Variants in ASTN2 observed in about 807,000 individuals in gnomAD.
ASTN2 encodes the protein astrotactin-2.
Under a neutral mutation model 139.8 loss-of-function variants are expected in ASTN2, and 54 were observed. The observed-to-expected ratio is 0.39, with a 90% CI of 0.31 to 0.48. The LOEUF (loss-of-function observed/expected upper bound fraction) is 0.48, where lower values mean the gene tolerates loss of function less well. Among genes scored for constraint, ASTN2 ranks in the 20% least tolerant of loss-of-function variants. The probability of loss-of-function intolerance (pLI) is 0.95; values close to 1 mark genes in which losing one functional copy is unlikely to be tolerated. For synonymous variants in ASTN2, 756 were observed against 719.5 expected, an observed-to-expected ratio of 1.05 and a Z score of -0.81; for missense variants, 1,565 against 1,725.1, an observed-to-expected ratio of 0.91 and a Z score of 1.64.
chr9:116,488,871 A>G (rs892001393), intron 19 of ASTN2, among the ~76,000 whole-genome samples: 5 of 152,350 alleles, frequency 3.3e-5, no homozygotes, highest in African/African-American at 1.2e-4. Flanking sequence ...AAAAATATCA[A>G]TAAAAATTAC....
intron 7 of ASTN2, among the ~76,000 whole-genome samples, chr9:117,005,130 G>C (rs1351871200): frequency 4.4e-5 from 5 of 114,872 alleles, no homozygotes; most frequent in Non-Finnish European, 3.3e-5. Context: ...TCTGTCACCA[G>C]GCTGGAGTGC....
At chr9:117,224,328 T>G (rs1039790702) in intron 2 of ASTN2, among the ~76,000 whole-genome samples, 1 of 152,240 alleles carries the variant, frequency 6.6e-6, no homozygotes, top group Non-Finnish European at 1.5e-5. Context: ...GATTGCAGTG[T>G]ATAACACAGT....
intron 10 of ASTN2, among the ~76,000 whole-genome samples, chr9:116,864,535 G>A (rs918235195): frequency 6.6e-6 from 1 of 152,194 alleles, no homozygotes; most frequent in Non-Finnish European, 1.5e-5. Flanking sequence ...GGAGGATACA[G>A]ATGGGAGCCT....
At chr9:116,435,414 G>C (rs1267280233) in intron 22 of ASTN2, among the ~76,000 whole-genome samples, 3 of 152,162 alleles carry the variant, frequency 2.0e-5, no homozygotes, top group Non-Finnish European at 4.4e-5. Flanking sequence ...TGGCTTCTGG[G>C]AGAAAGAATA....
chr9:117,114,483 T>A (rs1829329363), intron 4 of ASTN2, among the ~76,000 whole-genome samples: 1 of 152,192 alleles, frequency 6.6e-6, no homozygotes, highest in Non-Finnish European at 1.5e-5. Context: ...CTGCATTAGC[T>A]CTGAATTGTT....
At chr9:116,483,145 G>A (rs1328898854) in intron 20 of ASTN2, among the ~76,000 whole-genome samples, 1 of 152,196 alleles carries the variant, frequency 6.6e-6, no homozygotes, top group Non-Finnish European at 1.5e-5. Context: ...GTCACCCCTC[G>A]ATTCCAACAA....
At chr9:117,275,922 G>C (rs1197786748) in intron 2 of ASTN2, among the ~76,000 whole-genome samples, 1 of 152,044 alleles carries the variant, frequency 6.6e-6, no homozygotes, top group Non-Finnish European at 1.5e-5. Context: ...CTCCTTAAAG[G>C]CTGTATCTCC....
intron 10 of ASTN2, among the ~76,000 whole-genome samples, chr9:116,886,357 A>G (rs1468441363): frequency 1.3e-5 from 2 of 152,178 alleles, no homozygotes; most frequent in Admixed American, 1.3e-4. Flanking sequence ...TCCTCCTGCA[A>G]TTGTTTCTTT....
At chr9:117,009,943 G>C (rs78617725) in intron 6 of ASTN2, among the ~76,000 whole-genome samples, 1 of 152,256 alleles carries the variant, frequency 6.6e-6, no homozygotes, top group East Asian at 1.9e-4. Flanking sequence ...AGTTTCCCTG[G>C]AAATAGTAAG....
chr9:116,903,649 C>A (rs764851254), intron 10 of ASTN2, among the ~76,000 whole-genome samples: 1 of 152,192 alleles, frequency 6.6e-6, no homozygotes. Context: ...GAGACATACT[C>A]TCTCTCTGGG....
intron 1 of ASTN2, among the ~76,000 whole-genome samples, chr9:117,296,300 A>AAAAG (rs1192675911): frequency 2.3e-3 from 282 of 120,860 alleles, no homozygotes; most frequent in African/African-American, 4.5e-3. Flanking sequence ...AAAAAAAAAA[A>AAAAG]AAAGAAAGAA....
chr9:117,388,121 C>T (rs1400839318), intron 1 of ASTN2, among the ~76,000 whole-genome samples: 2 of 152,154 alleles, frequency 1.3e-5, no homozygotes, highest in Non-Finnish European at 2.9e-5. Flanking sequence ...TCCAAGATTC[C>T]ATTTGAAGAA....
At chr9:117,101,587 GC>G (rs2132765177) in intron 4 of ASTN2, among the ~76,000 whole-genome samples, 1 of 152,208 alleles carries the variant, frequency 6.6e-6, no homozygotes, top group South Asian at 2.1e-4. Context: ...GATAAGTACT[GC>G]CCCAGGTACC....
chr9:117,116,403 C>A (rs933466481), intron 4 of ASTN2, among the ~76,000 whole-genome samples: 1 of 152,070 alleles, frequency 6.6e-6, no homozygotes, highest in African/African-American at 2.4e-5. Context: ...TCAGAACATA[C>A]TTTTGAAGCA....
At chr9:116,745,402 C>T (rs957365135) in intron 13 of ASTN2, among the ~76,000 whole-genome samples, 12 of 152,306 alleles carry the variant, frequency 7.9e-5, no homozygotes, top group Non-Finnish European at 1.5e-4. Flanking sequence ...GTAGACTTCC[C>T]AGACAGACCT....
chr9:116,501,637 G>A (rs28678845), intron 19 of ASTN2, among the ~76,000 whole-genome samples: 4,955 of 151,576 alleles, frequency 0.033, 214 homozygotes, highest in African/African-American at 0.099. Context: ...GTTGTCATAG[G>A]TGGGAATTGA....
At chr9:116,701,022 A>G (rs1054692212) in intron 16 of ASTN2, 1 of 167,112 alleles carries the variant, frequency 6.0e-6, no homozygotes, top group African/African-American at 2.4e-5. Context: ...TTATAATTAC[A>G]GTTCACAAAA....
intron 17 of ASTN2, among the ~76,000 whole-genome samples, chr9:116,635,875 G>A (rs1857048918): frequency 6.6e-6 from 1 of 152,200 alleles, no homozygotes; most frequent in Non-Finnish European, 1.5e-5. Flanking sequence ...ACTTTGATTA[G>A]ATGGTGGAGC....
At chr9:116,524,320 C>T (rs889483874) in intron 19 of ASTN2, among the ~76,000 whole-genome samples, 1 of 152,146 alleles carries the variant, frequency 6.6e-6, no homozygotes, top group African/African-American at 2.4e-5. Context: ...GACTGGAAGG[C>T]AAGTATACTG....
Sources: allele counts gnomAD v4.1 joint callset (sites outside exome capture counted in the v4.1 genomes callset), GRCh38; gene constraint gnomAD v4.1.1; transcripts MANE v1.5; gene names NCBI Gene and HGNC (gene_info 2026-07-23, HGNC 2026-07-21).